Variants in FHIT observed in about 807,000 individuals in gnomAD.
FHIT encodes the protein fragile histidine triad diadenosine triphosphatase.
A neutral mutation model predicts 17.9 loss-of-function variants in FHIT; 19 were observed. The observed-to-expected ratio is 1.06, with a 90% CI of 0.74 to 1.56. The LOEUF (loss-of-function observed/expected upper bound fraction) is 1.56, where lower values mean the gene tolerates loss of function less well. Ranked by LOEUF, FHIT falls within the 40% of genes most tolerant of loss-of-function variation. The pLI, the probability that FHIT is intolerant of heterozygous loss-of-function variation, is 0.00. For synonymous variants in FHIT, 81 were observed against 69.7 expected (o/e 1.16, Z -0.81); for missense variants, 248 against 189.2 (o/e 1.31, Z -1.82).
intron 4 of FHIT, among the ~76,000 whole-genome samples, chr3:60,783,070 C>T (rs1700445962): frequency 6.6e-6 from 1 of 152,154 alleles, no homozygotes; most frequent in African/African-American, 2.4e-5. Flanking sequence ...GCAGCCTCAA[C>T]TTCCCCAGAC....
intron 2 of FHIT, among the ~76,000 whole-genome samples, chr3:61,146,349 A>G (rs2037224848): frequency 6.6e-6 from 1 of 152,050 alleles, no homozygotes; most frequent in Admixed American, 6.6e-5. Flanking sequence ...ACAGCCTACC[A>G]TCTGTCAAGT....
At chr3:60,443,224 G>A (rs1222613033) in intron 5 of FHIT, among the ~76,000 whole-genome samples, 1 of 152,184 alleles carries the variant, frequency 6.6e-6, no homozygotes, top group African/African-American at 2.4e-5. Context: ...TGCAAACAGT[G>A]ACAATTTGAC....
intron 5 of FHIT, among the ~76,000 whole-genome samples, chr3:60,162,968 C>T (rs940759260): frequency 6.6e-6 from 1 of 152,162 alleles, no homozygotes; most frequent in Non-Finnish European, 1.5e-5. Flanking sequence ...GTACAGAGCA[C>T]CCCTGTTTGA....
intron 5 of FHIT, among the ~76,000 whole-genome samples, chr3:60,308,496 G>GTGTATATATA (rs1158561576): frequency 7.1e-6 from 1 of 140,878 alleles, no homozygotes. Flanking sequence ...AGGTGTATGT[G>GTGTATATATA]TATATATATA....
intron 5 of FHIT, among the ~76,000 whole-genome samples, chr3:60,325,403 C>T (rs774022966): frequency 1.1e-4 from 17 of 152,146 alleles, no homozygotes; most frequent in Admixed American, 2.0e-4. Flanking sequence ...TTTCTTTACA[C>T]ATCTGTCAGC....
chr3:60,008,732 T>A (rs921992872), intron 7 of FHIT, among the ~76,000 whole-genome samples: 1 of 152,234 alleles, frequency 6.6e-6, no homozygotes, highest in African/African-American at 2.4e-5. Context: ...AATGTGCAAC[T>A]GTGTGAATTC....
At chr3:61,117,655 G>A (rs2036338522) in intron 2 of FHIT, among the ~76,000 whole-genome samples, 1 of 152,192 alleles carries the variant, frequency 6.6e-6, no homozygotes, top group African/African-American at 2.4e-5. Flanking sequence ...TATCTGACGA[G>A]TGGTTTTGAG....
chr3:60,700,412 T>C (rs1250161880), intron 4 of FHIT, among the ~76,000 whole-genome samples: 1 of 152,230 alleles, frequency 6.6e-6, no homozygotes, highest in Non-Finnish European at 1.5e-5. Context: ...ATGGACATGC[T>C]GGACATCACA....
At chr3:59,866,791 A>C (rs1319139296) in intron 8 of FHIT, among the ~76,000 whole-genome samples, 1 of 152,108 alleles carries the variant, frequency 6.6e-6, no homozygotes, top group Non-Finnish European at 1.5e-5. Flanking sequence ...TGGCCAACTG[A>C]CTTAGCAAAG....
intron 8 of FHIT, among the ~76,000 whole-genome samples, chr3:59,859,563 C>A (rs1185008676): frequency 6.6e-6 from 1 of 152,032 alleles, no homozygotes; most frequent in African/African-American, 2.4e-5. Flanking sequence ...ACTAAAAATA[C>A]AAAAAATTAG....
chr3:60,787,829 G>A (rs1047955271), intron 4 of FHIT, among the ~76,000 whole-genome samples: 1 of 152,200 alleles, frequency 6.6e-6, no homozygotes, highest in Middle Eastern at 3.2e-3. Context: ...CTCTCATACT[G>A]TAAACAAGGG....
intron 5 of FHIT, among the ~76,000 whole-genome samples, chr3:60,349,412 C>T (rs1039772890): frequency 3.9e-5 from 6 of 152,058 alleles, no homozygotes; most frequent in Non-Finnish European, 5.9e-5. Flanking sequence ...TAATGCTTAC[C>T]ACGTGGACGA....
intron 5 of FHIT, among the ~76,000 whole-genome samples, chr3:60,357,125 C>T (rs1014934341): frequency 2.0e-5 from 3 of 152,178 alleles, no homozygotes; most frequent in African/African-American, 7.2e-5. Flanking sequence ...ATTATGTAGG[C>T]ATTCTCAAGT....
intron 4 of FHIT, chr3:60,690,235 C>G (rs2040954630): frequency 1.9e-6 from 1 of 527,118 alleles, no homozygotes. Context: ...TTAGAGCTGT[C>G]CACAGTCAGC....
intron 3 of FHIT, among the ~76,000 whole-genome samples, chr3:60,907,113 A>G (rs1222766881): frequency 6.6e-6 from 1 of 152,184 alleles, no homozygotes; most frequent in African/African-American, 2.4e-5. Flanking sequence ...CACCCCACAG[A>G]TACTAATTTC....
chr3:61,106,573 C>T (rs1274241224), intron 2 of FHIT, among the ~76,000 whole-genome samples: 1 of 152,114 alleles, frequency 6.6e-6, no homozygotes, highest in African/African-American at 2.4e-5. Context: ...ATATATTTAT[C>T]AGGTACAACA....
intron 5 of FHIT, among the ~76,000 whole-genome samples, chr3:60,349,318 C>A (rs1318103158): frequency 6.6e-6 from 1 of 152,052 alleles, no homozygotes; most frequent in African/African-American, 2.4e-5. Flanking sequence ...TGAGAAGATT[C>A]CATGATTTCA....
chr3:60,381,004 A>G (rs1252320423), intron 5 of FHIT, among the ~76,000 whole-genome samples: 1 of 152,192 alleles, frequency 6.6e-6, no homozygotes, highest in Non-Finnish European at 1.5e-5. Flanking sequence ...TGATATGACC[A>G]AGACCTTGTA....
rs1470740480 is a variant in FHIT, at chr3:61,100,652, G to C, written c.-163-58553C>G. Among the ~76,000 whole-genome samples, 3 of 152,290 alleles carry C rather than the reference G, an allele frequency of 2.0e-5. No individual in the cohort carries two copies. In the East Asian group the frequency reaches 5.8e-4, roughly 29 times the overall value. On this transcript the variant is annotated intron_variant, in intron 2 of 9. Coordinates refer to ENST00000492590, the MANE Select transcript of FHIT (RefSeq NM_002012.4). ...AATTGCCACACTGTCTTCCACATTG[G>C]TTGAACTAATTTACACTCCCACCAA... is the stretch of plus-strand genomic sequence containing the variant.
Sources: allele counts gnomAD v4.1 joint callset (sites outside exome capture counted in the v4.1 genomes callset), GRCh38; gene constraint gnomAD v4.1.1; transcripts MANE v1.5; gene names NCBI Gene and HGNC (gene_info 2026-07-23, HGNC 2026-07-21).